The following DGKI variants were observed in gnomAD, a reference collection of about 807,000 sequenced individuals.
The protein encoded by DGKI is DAG kinase iota.
In DGKI, 55 loss-of-function variants were observed where a neutral mutation model predicts 147.5. That is an observed-to-expected ratio of 0.37 (90% CI 0.30 to 0.47). DGKI has a LOEUF of 0.47. Among genes scored for constraint, DGKI ranks in the 20% least tolerant of loss-of-function variants. DGKI has a pLI of 1.00. For synonymous variants in DGKI, 469 were observed against 477.1 expected (o/e 0.98, Z 0.22); for missense variants, 1,007 against 1,323.8 (o/e 0.76, Z 3.71).
intron 1 of DGKI, among the ~76,000 whole-genome samples, chr7:137,705,213 A>G (rs191688510): frequency 6.6e-4 from 101 of 152,256 alleles, no homozygotes; most frequent in African/African-American, 2.4e-3. Flanking sequence ...GCACTTAAAC[A>G]TAAATATGCA....
At chr7:137,836,091 A>T (rs1482792958) in intron 1 of DGKI, among the ~76,000 whole-genome samples, 1 of 152,188 alleles carries the variant, frequency 6.6e-6, no homozygotes, top group Admixed American at 6.5e-5. Flanking sequence ...TAAGTACCTA[A>T]ATTTAGTCAG....
At chr7:137,620,527 T>G (rs376883330) in intron 7 of DGKI, among the ~76,000 whole-genome samples, 3 of 152,136 alleles carry the variant, frequency 2.0e-5, no homozygotes, top group African/African-American at 4.8e-5. Context: ...TTCTACAGAG[T>G]TGAAAATCCC....
chr7:137,418,041 G>C (rs2113581), intron 28 of DGKI, among the ~76,000 whole-genome samples: 1 of 151,934 alleles, frequency 6.6e-6, no homozygotes, highest in African/African-American at 2.4e-5. Context: ...GCCAGGCCCC[G>C]TTTGAGGCAG....
At chr7:137,428,815 G>C (rs572117610) in intron 28 of DGKI, among the ~76,000 whole-genome samples, 1 of 152,156 alleles carries the variant, frequency 6.6e-6, no homozygotes, top group East Asian at 1.9e-4. Flanking sequence ...GCTTCAAAGA[G>C]AATAAAATAC....
At chr7:137,805,262 C>T (rs1030638260) in intron 1 of DGKI, among the ~76,000 whole-genome samples, 5 of 152,344 alleles carry the variant, frequency 3.3e-5, no homozygotes, top group Middle Eastern at 3.4e-3. Context: ...CTAGAGCTGA[C>T]TCACATTAGT....
At chr7:137,538,295 CCT>C (rs1817583270) in intron 20 of DGKI, among the ~76,000 whole-genome samples, 3 of 152,118 alleles carry the variant, frequency 2.0e-5, no homozygotes, top group African/African-American at 7.2e-5. Flanking sequence ...AAAATATTTC[CCT>C]TGCTTTTAAT....
chr7:137,592,278 A>G (rs561804644), intron 12 of DGKI, among the ~76,000 whole-genome samples: 191 of 152,308 alleles, frequency 1.3e-3, no homozygotes, highest in African/African-American at 4.5e-3. Flanking sequence ...ACTGCAACTT[A>G]TTGCACTTGG....
At chr7:137,683,453 G>A (rs1305283404) in intron 2 of DGKI, among the ~76,000 whole-genome samples, 1 of 152,048 alleles carries the variant, frequency 6.6e-6, no homozygotes, top group African/African-American at 2.4e-5. Context: ...ACAGCTCACT[G>A]CAGCCTCAAA....
At chr7:137,595,130 T>TA (rs1348094030) in intron 12 of DGKI, among the ~76,000 whole-genome samples, 1 of 152,150 alleles carries the variant, frequency 6.6e-6, no homozygotes, top group Admixed American at 6.5e-5. Flanking sequence ...CCTACCACAT[T>TA]AAAAAAATTA....
chr7:137,395,649 C>T lies in DGKI; in HGVS notation c.3006G>A (p.Val1002=). 6.2e-7 allele frequency: 1 copy of T among 1,614,182 alleles called. No homozygotes were observed. Among genetic ancestry groups the T allele is most frequent in the Non-Finnish European group, 8.5e-7 (1 of 1,179,994 alleles). ...CTCCTGCATCCACCAGAAGCTGGCA[C>T]ACAGCCCGGTTCCGCTGGCAGGCAG... ...HKAACQRNRA[V]CQLLVDAGAS... is the part of the protein sequence containing the mutation. Residue 1002 remains valine, a synonymous_variant, in exon 32 of 33, where the codon GTG becomes GTA. Transcript: ENST00000614521.
intron 1 of DGKI, among the ~76,000 whole-genome samples, chr7:137,835,925 G>A (rs780116642): frequency 6.6e-6 from 1 of 152,212 alleles, no homozygotes; most frequent in Non-Finnish European, 1.5e-5. Flanking sequence ...CCTTGGGAAA[G>A]TCGCTTAGCT....
chr7:137,450,954 A>G (rs1420039202), intron 27 of DGKI, among the ~76,000 whole-genome samples: 1 of 151,998 alleles, frequency 6.6e-6, no homozygotes, highest in Admixed American at 6.6e-5. Flanking sequence ...AGAAACTTGG[A>G]AAAAAAGGGA....
chr7:137,395,364 A>T (rs1049466246), intron 32 of DGKI, among the ~76,000 whole-genome samples: 1 of 152,190 alleles, frequency 6.6e-6, no homozygotes, highest in Non-Finnish European at 1.5e-5. Flanking sequence ...TCCCAAGGTC[A>T]ACGTGTTCAG....
At chr7:137,640,264 T>C (rs771558390) in intron 6 of DGKI, among the ~76,000 whole-genome samples, 5 of 152,090 alleles carry the variant, frequency 3.3e-5, no homozygotes, top group Non-Finnish European at 5.9e-5. Context: ...ATGCCACTAG[T>C]ATGAGAAATC....
chr7:137,837,035 A>G (rs1393121290), intron 1 of DGKI, among the ~76,000 whole-genome samples: 1 of 152,230 alleles, frequency 6.6e-6, no homozygotes, highest in Non-Finnish European at 1.5e-5. Context: ...AAGCTGCAAT[A>G]GGGAAGTAAT....
intron 3 of DGKI, among the ~76,000 whole-genome samples, chr7:137,662,240 C>CTTTTTT (rs1170356266): frequency 1.6e-5 from 2 of 126,444 alleles, no homozygotes; most frequent in Admixed American, 7.9e-5. Context: ...CAGCACACTC[C>CTTTTTT]TTTTTTTTTT....
At chr7:137,804,704 C>A (rs1038531214) in intron 1 of DGKI, among the ~76,000 whole-genome samples, 10 of 152,212 alleles carry the variant, frequency 6.6e-5, no homozygotes, top group African/African-American at 2.4e-4. Flanking sequence ...GGATATATTT[C>A]TTTTTCTGTA....
intron 1 of DGKI, among the ~76,000 whole-genome samples, chr7:137,767,740 C>T (rs1416465429): frequency 6.6e-6 from 1 of 152,178 alleles, no homozygotes; most frequent in Non-Finnish European, 1.5e-5. Flanking sequence ...CCAGCTACTA[C>T]CTACATGACT....
intron 30 of DGKI, among the ~76,000 whole-genome samples, chr7:137,405,678 T>G (rs774168873): frequency 6.6e-6 from 1 of 152,256 alleles, no homozygotes; most frequent in South Asian, 2.1e-4. Flanking sequence ...GTAGAGATCA[T>G]CCAGAACTTC....
Sources: gnomAD v4.1 joint callset for allele counts (sites outside exome capture counted in the v4.1 genomes callset) on GRCh38, gnomAD v4.1.1 for gene constraint, MANE v1.5 for transcripts, NCBI Gene and HGNC (gene_info 2026-07-23, HGNC 2026-07-21) for gene names.